TMEFF2: variants seen among roughly 807,000 people sequenced by gnomAD.
The protein encoded by TMEFF2 is tomoregulin-2.
Under a neutral mutation model 53.8 loss-of-function variants are expected in TMEFF2, and 28 were observed. The observed-to-expected ratio is 0.52, with a 90% CI of 0.39 to 0.71. The LOEUF is 0.71. Among genes scored for constraint, TMEFF2 ranks in the 30% least tolerant of loss-of-function variants. TMEFF2 has a pLI of 0.00. For synonymous variants in TMEFF2, 162 were observed against 166.3 expected (o/e 0.97, Z 0.20); for missense variants, 353 against 455.2 (o/e 0.78, Z 2.04).
chr2:192,173,520 T>C (rs1203745816), intron 4 of TMEFF2, among the ~76,000 whole-genome samples: 1 of 151,890 alleles, frequency 6.6e-6, no homozygotes, highest in Non-Finnish European at 1.5e-5. Context: ...TTCTTTCTTG[T>C]AAGTATACAG....
rs369656822 is a variant in TMEFF2 at position 192,151,591 on chromosome 2, T to C, written c.439+28077A>G. Among the ~76,000 whole-genome samples the C allele has an allele frequency of 4.6e-5, 7 of 151,876 alleles. No individual in the cohort carries two copies. In the South Asian group the frequency reaches 6.2e-4, roughly 13 times the overall value. On this transcript the variant is annotated intron_variant, in intron 4 of 9. Coordinates refer to ENST00000272771, the MANE Select transcript of TMEFF2 (RefSeq NM_016192.4). ...TAACCAGTGACTATCAAGAGCGTGA[T>C]GGTTAGAATTTTGAGGTAAATTTCC...
intron 7 of TMEFF2, among the ~76,000 whole-genome samples, chr2:191,982,775 A>C (rs1296059109): frequency 6.6e-6 from 1 of 152,128 alleles, no homozygotes; most frequent in African/African-American, 2.4e-5. Flanking sequence ...TAGGCATTTG[A>C]GTATGTACAG....
At chr2:191,953,294 C>A (rs1260549395) in intron 9 of TMEFF2, among the ~76,000 whole-genome samples, 1 of 152,146 alleles carries the variant, frequency 6.6e-6, no homozygotes, top group Non-Finnish European at 1.5e-5. Context: ...CATAAAAGTA[C>A]AACTACTTGT....
At chr2:191,962,809 G>A (rs1692311234) in intron 7 of TMEFF2, among the ~76,000 whole-genome samples, 1 of 151,970 alleles carries the variant, frequency 6.6e-6, no homozygotes, top group African/African-American at 2.4e-5. Flanking sequence ...TTTTTGACTC[G>A]GCAATGCCCT....
intron 7 of TMEFF2, among the ~76,000 whole-genome samples, chr2:191,959,298 G>A (rs138174271): frequency 7.2e-4 from 109 of 152,278 alleles, no homozygotes; most frequent in Non-Finnish European, 1.3e-3. Flanking sequence ...GTTTACAAAT[G>A]GTTTGTTCTA....
At chr2:192,112,136 G>C (rs897080805) in intron 4 of TMEFF2, among the ~76,000 whole-genome samples, 6 of 152,172 alleles carry the variant, frequency 3.9e-5, no homozygotes, top group Non-Finnish European at 7.3e-5. Flanking sequence ...GCTGAGAGAA[G>C]AAGACCATCA....
At chr2:192,167,490 T>G (rs1461026379) in intron 4 of TMEFF2, among the ~76,000 whole-genome samples, 1 of 152,150 alleles carries the variant, frequency 6.6e-6, no homozygotes, top group East Asian at 1.9e-4. Context: ...TTTCCCTTAC[T>G]TAAACATTAA....
chr2:191,949,604 C>G lies in TMEFF2; in HGVS notation c.*707G>C. On this transcript the variant is annotated 3_prime_UTR_variant, in exon 10 of 10. Transcript: ENST00000272771. ...AGTAAGTTCAGATATATGCACTTAA[C>G]TGGGGGATTCTAAGCTACTTCCCCA... 7 of 985,364 alleles carry G rather than the reference C, an allele frequency of 7.1e-6. No homozygotes were observed. Among genetic ancestry groups the G allele is most frequent in the Non-Finnish European group, 7.2e-6 (6 of 829,912 alleles). 61.0% of individuals were successfully genotyped at this position (985,364 alleles called of 1,614,324 possible).
chr2:192,119,851 T>C (rs78649523), intron 4 of TMEFF2, among the ~76,000 whole-genome samples: 19 of 152,308 alleles, frequency 1.2e-4, no homozygotes, highest in African/African-American at 4.6e-4. Context: ...GTGGAATTTA[T>C]TAAGAAACAT....
intron 3 of TMEFF2, 117 bp downstream of exon 3, chr2:192,184,237 G>A (rs1267278786): frequency 1.5e-5 from 19 of 1,273,838 alleles, no homozygotes; most frequent in Middle Eastern, 2.4e-4. Context: ...AAAACAATAC[G>A]GCTTGTCTAG....
chr2:192,183,545 CAGAA>C (rs1691239221), intron 3 of TMEFF2, among the ~76,000 whole-genome samples: 1 of 151,982 alleles, frequency 6.6e-6, no homozygotes, highest in South Asian at 2.1e-4. Flanking sequence ...TATGACTTTC[CAGAA>C]AGATGCTTAT....
chr2:191,951,161 A>ATG (rs1331625835), intron 9 of TMEFF2, among the ~76,000 whole-genome samples: 1 of 132,310 alleles, frequency 7.6e-6, no homozygotes, highest in East Asian at 1.9e-4. Flanking sequence ...GTTTATGTGT[A>ATG]TGTATGTGTG....
chr2:191,973,757 G>GGTGGGAGGTAATTGAATCAT (rs1692722359), intron 7 of TMEFF2, among the ~76,000 whole-genome samples: 1 of 152,138 alleles, frequency 6.6e-6, no homozygotes, highest in African/African-American at 2.4e-5. Flanking sequence ...GGAGGGATCC[G>GGTGGGAGGTAATTGAATCAT]GTGGGAGGTA....
chr2:191,952,813 A>G (rs771493533), intron 9 of TMEFF2, among the ~76,000 whole-genome samples: 6 of 152,232 alleles, frequency 3.9e-5, no homozygotes, highest in Non-Finnish European at 8.8e-5. Flanking sequence ...TTTTAGAGAA[A>G]CATTCTGATT....
intron 4 of TMEFF2, among the ~76,000 whole-genome samples, chr2:192,131,888 G>T (rs1689841792): frequency 6.6e-6 from 1 of 152,112 alleles, no homozygotes; most frequent in Non-Finnish European, 1.5e-5. Flanking sequence ...CATCCTACAA[G>T]ATCTAAATAA....
At chr2:192,189,091 T>C (rs1026810724) in intron 2 of TMEFF2, among the ~76,000 whole-genome samples, 2 of 152,174 alleles carry the variant, frequency 1.3e-5, no homozygotes, top group African/African-American at 4.8e-5. Context: ...TGAGATAATA[T>C]GTTTGAAGGA....
At chr2:192,184,290 T>G in intron 3 of TMEFF2, 64 bp downstream of exon 3, 1 of 1,584,032 alleles carries the variant, frequency 6.3e-7, no homozygotes, top group Non-Finnish European at 8.6e-7. Context: ...TAACAAGAAA[T>G]GAAAGACATG....
intron 5 of TMEFF2, chr2:192,037,163 G>A (rs1687315025): frequency 6.6e-6 from 1 of 151,764 alleles, no homozygotes; most frequent in African/African-American, 2.4e-5. Context: ...CCATTACCAA[G>A]CCTCATTACT....
At position 192,194,680 on chromosome 2, in the gene TMEFF2, G is replaced by A. The variant is rs1179138546; in HGVS notation, c.-156C>T. 5 of 733,948 alleles carry A rather than the reference G, an allele frequency of 6.8e-6. No homozygotes were observed. Among genetic ancestry groups the A allele is most frequent in the South Asian group, 1.7e-5 (1 of 57,776 alleles). The allele number at this position is 733,948 out of a possible 1,614,324, so 45.5% of individuals were successfully genotyped here. A position where few individuals can be genotyped will look rare whatever the true frequency, so the allele number is the denominator to read the frequency against. ...GCGGGGAAGCAGCAGCCAAACCCGC[G>A]CATGATCTCGAGAGTTTCAGCAACA... On this transcript the variant is annotated 5_prime_UTR_variant, in exon 1 of 10. Transcript: ENST00000272771. This position sits in a 1 kb window ranked among gnomAD's most constrained non-coding sequence, Gnocchi z 4.2.
Sources: gnomAD v4.1 joint callset for allele counts (sites outside exome capture counted in the v4.1 genomes callset) on GRCh38, gnomAD v4.1.1 for gene constraint, Gnocchi (gnomAD v3.1) non-coding constraint, MANE v1.5 for transcripts, NCBI Gene and HGNC (gene_info 2026-07-23, HGNC 2026-07-21) for gene names.